CTNND2: variants seen among roughly 807,000 people sequenced by gnomAD.
CTNND2 encodes the protein catenin delta 2, also known as catenin delta-2.
A neutral mutation model predicts 144.4 loss-of-function variants in CTNND2; 22 were observed. That is an observed-to-expected ratio of 0.15 (90% CI 0.11 to 0.22). CTNND2 has a LOEUF of 0.22. Ranked by LOEUF, CTNND2 falls within the 10% of genes least tolerant of loss-of-function variation. The pLI is 1.00. For synonymous variants in CTNND2, 751 were observed against 695.6 expected, an observed-to-expected ratio of 1.08 and a Z score of -1.25; for missense variants, 1,353 against 1,618.8, an observed-to-expected ratio of 0.84 and a Z score of 2.82.
At chr5:11,699,933 AGG>A (rs2126668411) in intron 2 of CTNND2, among the ~76,000 whole-genome samples, 1 of 152,308 alleles carries the variant, frequency 6.6e-6, no homozygotes, top group East Asian at 1.9e-4. Context: ...TTTGTAGTAG[AGG>A]GAGTCGGATA....
At chr5:11,158,178 G>C (rs577052185) in intron 12 of CTNND2, among the ~76,000 whole-genome samples, 1 of 152,266 alleles carries the variant, frequency 6.6e-6, no homozygotes, top group South Asian at 2.1e-4. Context: ...GTCTTCACTA[G>C]GGACCCTGAC....
chr5:11,324,644 A>G (rs1752353326), intron 9 of CTNND2, among the ~76,000 whole-genome samples: 1 of 152,184 alleles, frequency 6.6e-6, no homozygotes, highest in African/African-American at 2.4e-5. Flanking sequence ...ACATCAGGTT[A>G]TTGGCAGAGC....
At chr5:10,983,876 T>C (rs1327248418) in intron 20 of CTNND2, among the ~76,000 whole-genome samples, 2 of 152,172 alleles carry the variant, frequency 1.3e-5, no homozygotes, top group Non-Finnish European at 2.9e-5. Context: ...CCTAAAATCC[T>C]AACACATTTC....
chr5:11,387,316 G>T (rs1759193980), intron 6 of CTNND2, among the ~76,000 whole-genome samples: 1 of 152,212 alleles, frequency 6.6e-6, no homozygotes, highest in South Asian at 2.1e-4. Flanking sequence ...AACTCTGGGG[G>T]AGGGGCTGAG....
intron 12 of CTNND2, among the ~76,000 whole-genome samples, chr5:11,143,961 T>A (rs182958823): frequency 3.9e-4 from 58 of 147,158 alleles, no homozygotes; most frequent in Non-Finnish European, 6.0e-4. Context: ...CTGCACCAGC[T>A]AGGGGTTCCT....
intron 21 of CTNND2, among the ~76,000 whole-genome samples, chr5:10,980,836 G>C (rs1477532948): frequency 6.6e-6 from 1 of 152,058 alleles, no homozygotes; most frequent in Admixed American, 6.5e-5. Context: ...CTCATAAGTG[G>C]GAGTTGAACA....
chr5:11,726,285 A>G (rs1225085621), intron 2 of CTNND2, among the ~76,000 whole-genome samples: 1 of 152,182 alleles, frequency 6.6e-6, no homozygotes, highest in Non-Finnish European at 1.5e-5. Flanking sequence ...TACTCATTAG[A>G]AACATGTTTG....
intron 2 of CTNND2, among the ~76,000 whole-genome samples, chr5:11,576,072 T>C (rs1460101756): frequency 6.6e-6 from 1 of 152,180 alleles, no homozygotes; most frequent in Non-Finnish European, 1.5e-5. Context: ...TTTGCAAATC[T>C]TTCTAGACTC....
intron 2 of CTNND2, among the ~76,000 whole-genome samples, chr5:11,703,520 C>T (rs1785549048): frequency 6.6e-6 from 1 of 152,320 alleles, no homozygotes; most frequent in South Asian, 2.1e-4. Flanking sequence ...TGCAGAGTTA[C>T]ACCTTCTGCC....
intron 16 of CTNND2, among the ~76,000 whole-genome samples, chr5:11,073,155 T>G (rs1249437299): frequency 1.3e-5 from 2 of 152,240 alleles, no homozygotes; most frequent in African/African-American, 4.8e-5. Context: ...GTAAAAATAA[T>G]AATTTCTTTC....
At chr5:11,336,319 T>C (rs1245134697) in intron 9 of CTNND2, among the ~76,000 whole-genome samples, 1 of 152,216 alleles carries the variant, frequency 6.6e-6, no homozygotes, top group East Asian at 1.9e-4. Flanking sequence ...ATAGTGTACT[T>C]TGAACAGAAC....
In CTNND2 at chr5:11,167,266, C is replaced by G. The variant is rs370353537; in HGVS notation, c.1976-7507G>C. 3.9e-5 allele frequency among the ~76,000 whole-genome samples: 6 copies of G among 152,218 alleles called. No homozygotes were observed. In the East Asian group the frequency reaches 5.8e-4, roughly 15 times the overall value. On this transcript the variant is annotated intron_variant, in intron 11 of 21. Coordinates refer to ENST00000304623, the MANE Select transcript of CTNND2 (RefSeq NM_001332.4). ...GTAAACTCTCATTCTACAGTTGCCA[C>G]ATAACGCTTCAGGTCCAAATACAGA... is the stretch of plus-strand genomic sequence containing the variant.
intron 3 of CTNND2, among the ~76,000 whole-genome samples, chr5:11,524,476 A>C (rs551343060): frequency 1.0e-3 from 154 of 152,332 alleles, no homozygotes; most frequent in Non-Finnish European, 1.5e-3. Context: ...GAGACTCTCC[A>C]GTCCTCCCTG....
intron 9 of CTNND2, among the ~76,000 whole-genome samples, chr5:11,299,691 A>C (rs915880008): frequency 5.3e-5 from 8 of 152,162 alleles, no homozygotes; most frequent in Non-Finnish European, 7.3e-5. Context: ...TTTCCTGCCA[A>C]GGTGTGTCTG....
At chr5:11,393,108 A>G (rs142498112) in intron 6 of CTNND2, among the ~76,000 whole-genome samples, 1 of 152,352 alleles carries the variant, frequency 6.6e-6, no homozygotes, top group East Asian at 1.9e-4. Flanking sequence ...TATGATTATG[A>G]TATAGCATTA....
At chr5:11,814,204 T>C (rs1792504239) in intron 1 of CTNND2, among the ~76,000 whole-genome samples, 3 of 152,266 alleles carry the variant, frequency 2.0e-5, no homozygotes, top group African/African-American at 7.2e-5. Context: ...CATGCCAATG[T>C]AGATTTTTTA....
At chr5:11,232,584 C>G (rs963627722) in intron 10 of CTNND2, among the ~76,000 whole-genome samples, 2 of 152,200 alleles carry the variant, frequency 1.3e-5, no homozygotes, top group Admixed American at 1.3e-4. Flanking sequence ...ATGTATTTAC[C>G]CAATGCCTGT....
chr5:11,398,084 T>G (rs558921264), intron 5 of CTNND2, among the ~76,000 whole-genome samples: 1 of 152,118 alleles, frequency 6.6e-6, no homozygotes, highest in Non-Finnish European at 1.5e-5. Flanking sequence ...TGAGAGGGGC[T>G]GGGGTAAGAA....
rs1735954975 is a variant in CTNND2, at chr5:10,972,625, AAAATTTT to A, written c.*821_*827del. 6.5e-6 allele frequency: 1 copy of A among 152,680 alleles called. No individual in the cohort carries two copies. Among genetic ancestry groups the A allele is most frequent in the Non-Finnish European group, 1.5e-5 (1 of 68,048 alleles). 9.5% of individuals were successfully genotyped at this position (152,680 alleles called of 1,614,324 possible). A position where few individuals can be genotyped will look rare whatever the true frequency, so the allele number is the denominator to read the frequency against. ...AAATCTATTTCAAATATCTACATCT[AAAATTTT>A]AGGCAGTGAAAAAGCACTTTGTTGA... On this transcript the variant is annotated 3_prime_UTR_variant, in exon 22 of 22. Coordinates refer to ENST00000304623, the MANE Select transcript of CTNND2 (RefSeq NM_001332.4).
Sources: gnomAD v4.1 joint callset for allele counts (sites outside exome capture counted in the v4.1 genomes callset) on GRCh38, gnomAD v4.1.1 for gene constraint, MANE v1.5 for transcripts, NCBI Gene and HGNC (gene_info 2026-07-23, HGNC 2026-07-21) for gene names.